Variants in TOP1MT observed in about 807,000 individuals in gnomAD.
The protein encoded by TOP1MT is DNA topoisomerase I, mitochondrial.
In TOP1MT, 80 loss-of-function variants were observed where a neutral mutation model predicts 73.9. That is an observed-to-expected ratio of 1.08 (90% CI 0.90 to 1.30). The LOEUF (loss-of-function observed/expected upper bound fraction) is 1.30, where lower values mean the gene tolerates loss of function less well. Among genes scored for constraint, TOP1MT ranks in the 50% most tolerant of loss-of-function variants. The pLI, the probability that TOP1MT is intolerant of heterozygous loss-of-function variation, is 0.00. For missense variants in TOP1MT, 815 were observed against 808.0 expected, an observed-to-expected ratio of 1.01 and a Z score of -0.10; for synonymous variants, 338 against 326.4, an observed-to-expected ratio of 1.04 and a Z score of -0.38.
In TOP1MT at chr8:143,309,343, G is replaced by A; in HGVS notation, c.*98C>T. On this transcript the variant is annotated 3_prime_UTR_variant, in exon 14 of 14. Coordinates refer to ENST00000329245, the MANE Select transcript of TOP1MT (RefSeq NM_052963.3). ...GGGGACTTTTTCTAGTGATGTACAA[G>A]CACTTGCACACATTTTATTGTACAA... The A allele has an allele frequency of 7.6e-7, 1 of 1,315,394 alleles. No homozygotes were observed. Among genetic ancestry groups the A allele is most frequent in the South Asian group, 1.3e-5 (1 of 76,778 alleles). 81.5% of individuals were successfully genotyped at this position (1,315,394 alleles called of 1,614,324 possible). A position where few individuals can be genotyped will look rare whatever the true frequency, so the allele number is the denominator to read the frequency against.
chr8:143,317,213 G>C (rs554527413), intron 10 of TOP1MT, among the ~76,000 whole-genome samples: 146 of 152,352 alleles, frequency 9.6e-4, no homozygotes, highest in African/African-American at 3.5e-3. Flanking sequence ...TCACGGAGCA[G>C]GGGCAGCGCC....
intron 6 of TOP1MT, 151 bp from the exon 7 acceptor site, chr8:143,324,293 C>G (rs114359345): frequency 1.5e-6 from 2 of 1,336,514 alleles, no homozygotes; most frequent in Admixed American, 2.1e-5. Context: ...TGGGTGATGC[C>G]GGCAGTGAGC....
intron 1 of TOP1MT, among the ~76,000 whole-genome samples, chr8:143,354,503 G>C (rs56126433): frequency 6.6e-6 from 1 of 151,050 alleles, no homozygotes; most frequent in Non-Finnish European, 1.5e-5. Context: ...ACCTGAGGTC[G>C]GGAGTTTGAG....
intron 8 of TOP1MT, among the ~76,000 whole-genome samples, chr8:143,319,105 T>G (rs1037735373): frequency 2.6e-5 from 4 of 152,032 alleles, no homozygotes; most frequent in African/African-American, 9.7e-5. Flanking sequence ...TCCTTTCGTG[T>G]GTTGGCTTCT....
upstream of TOP1MT, among the ~76,000 whole-genome samples, chr8:143,337,914 C>T (rs963221964): frequency 1.3e-5 from 2 of 152,168 alleles, no homozygotes; most frequent in African/African-American, 2.4e-5. Context: ...CTGTTTGGTT[C>T]TGTTCTGATC....
Position 143,310,325 on chromosome 8 carries a change from C to T in TOP1MT, c.1554-108G>A, listed in dbSNP as rs376736066. ...CTTCCCTCCCAGTGCAGCCCTGTCCCTGTCATTGTCATCAGTCATCCATCA... is the reference window on the plus strand; with the variant it reads ...CTTCCCTCCCAGTGCAGCCCTGTCCTTGTCATTGTCATCAGTCATCCATCA... On this transcript the variant is annotated intron_variant, in intron 12 of 13. Transcript: ENST00000329245. 4.9e-6 allele frequency: 4 copies of T among 808,210 alleles called. No homozygotes were observed. In the East Asian group the frequency reaches 8.7e-5, roughly 18 times the overall value. The allele number at this position is 808,210 out of a possible 1,614,324, so 50.1% of individuals were successfully genotyped here.
intron 4 of TOP1MT, 96 bp from the exon 5 acceptor site, chr8:143,325,629 G>A: frequency 1.7e-6 from 2 of 1,178,240 alleles, no homozygotes; most frequent in Non-Finnish European, 2.4e-6. Flanking sequence ...TGCTCTGTCT[G>A]GCTAACTCAG....
At chr8:143,324,377 C>G (rs1816646615) in intron 6 of TOP1MT, 108 bp downstream of exon 6, 1 of 1,541,718 alleles carries the variant, frequency 6.5e-7, no homozygotes, top group Non-Finnish European at 8.8e-7. Context: ...TGGCCGACTC[C>G]CAGCCCATCT....
At chr8:143,309,710 CA>C in intron 13 of TOP1MT, 167 bp from the exon 14 acceptor site, 1 of 1,518,864 alleles carries the variant, frequency 6.6e-7, no homozygotes, top group Non-Finnish European at 8.8e-7. Context: ...CGCATGCCGC[CA>C]CCCTGGAGCA....
chr8:143,321,616 CACACGCACGCCA>C (rs1816375703), intron 7 of TOP1MT, among the ~76,000 whole-genome samples: 1 of 117,424 alleles, frequency 8.5e-6, no homozygotes, highest in Non-Finnish European at 1.7e-5. Flanking sequence ...GCACGCACGC[CACACGCACGCCA>C]CACACAGGCA....
rs1206404359 is a variant in TOP1MT, at chr8:143,344,497, C to G, written c.-39+419G>C. 6.6e-6 allele frequency: 1 copy of G among 152,616 alleles called. No homozygotes were observed. The highest frequency in any genetic ancestry group is 1.5e-5 in the Non-Finnish European group (1 of 68,404). 9.5% of individuals were successfully genotyped at this position (152,616 alleles called of 1,614,324 possible). On this transcript the variant is annotated intron_variant, in intron 1 of 5. Transcript: ENST00000518007. The surrounding 1 kb of genome is among the most constrained non-coding windows in gnomAD (Gnocchi z 4.6). ...GTCCTCCAGGTCTCCGTGACTCCCC[C>G]AGCCCCATGCCCACCCAGGATACAA...
At chr8:143,351,006 G>A (rs1430288496) in intron 1 of TOP1MT, among the ~76,000 whole-genome samples, 1 of 152,148 alleles carries the variant, frequency 6.6e-6, no homozygotes, top group African/African-American at 2.4e-5. Flanking sequence ...TCGCTTCAGT[G>A]AAAACGCCCA....
At chr8:143,354,586 C>T (rs1030433734) in intron 1 of TOP1MT, among the ~76,000 whole-genome samples, 2 of 152,084 alleles carry the variant, frequency 1.3e-5, no homozygotes, top group Non-Finnish European at 2.9e-5. Context: ...GTGGTGCATG[C>T]CTGTAATTCC....
At chr8:143,312,653 A>C (rs1816044028) in intron 12 of TOP1MT, among the ~76,000 whole-genome samples, 1 of 152,228 alleles carries the variant, frequency 6.6e-6, no homozygotes, top group South Asian at 2.1e-4. Context: ...CAGTATCAGG[A>C]ACAAGGCAAG....
chr8:143,309,458 C>T lies in TOP1MT; in HGVS notation c.1789G>A (p.Glu597Lys). ...GCTCGTCGTTAGAATTCAAAGTCTTCTCCTGCCATGGCGAGAGCCCAGGCG... is the reference window on the plus strand; with the variant it reads ...GCTCGTCGTTAGAATTCAAAGTCTTTTCCTGCCATGGCGAGAGCCCAGGCG... ...RFAWALAMAG[E>K]DFEF Residue 597 changes from glutamate to lysine, a missense_variant, in exon 14 of 14, where the codon GAA becomes AAA. Physicochemically the swap from Glu to Lys is moderately conservative, Grantham distance 56. Transcript: ENST00000329245. 1.2e-6 allele frequency: 2 copies of T among 1,613,754 alleles called. No individual in the cohort carries two copies. Among genetic ancestry groups the T allele is most frequent in the South Asian group, 1.1e-5 (1 of 91,090 alleles).
intron 1 of TOP1MT, 51 bp downstream of exon 1, chr8:143,334,689 C>G: frequency 6.3e-7 from 1 of 1,594,518 alleles, no homozygotes; most frequent in Non-Finnish European, 8.5e-7. Flanking sequence ...TCTGGACCTA[C>G]CCAAGCCCGG....
At chr8:143,334,696 C>A (rs1398258935) in intron 1 of TOP1MT, 44 bp downstream of exon 1, 5 of 1,596,036 alleles carry the variant, frequency 3.1e-6, no homozygotes, top group Non-Finnish European at 4.3e-6. Flanking sequence ...CTACCCAAGC[C>A]CGGTGCTCAG....
rs981841562 is a variant in TOP1MT, at chr8:143,340,879, G to A, written c.29+2341C>T. Among the ~76,000 whole-genome samples the A allele has an allele frequency of 3.9e-5, 6 of 151,938 alleles. No homozygotes were observed. In the East Asian group the frequency reaches 7.7e-4, roughly 20 times the overall value. On this transcript the variant is annotated intron_variant, in intron 2 of 5. Coordinates refer to the TOP1MT transcript ENST00000518007. ...CCACCCACACTTCTTTTACATCCTC[G>A]TCCTCGTTCTGTGCTTGTCTCCTGG...
intron 3 of TOP1MT, among the ~76,000 whole-genome samples, chr8:143,326,770 A>G (rs1816718918): frequency 6.6e-6 from 1 of 152,224 alleles, no homozygotes; most frequent in Non-Finnish European, 1.5e-5. Flanking sequence ...TCGGGAGCTC[A>G]TCTGGTGAAC....
Sources: gnomAD v4.1 joint callset for allele counts (sites outside exome capture counted in the v4.1 genomes callset) on GRCh38, gnomAD v4.1.1 for gene constraint, Gnocchi (gnomAD v3.1) non-coding constraint, MANE v1.5 for transcripts, NCBI Gene and HGNC (gene_info 2026-07-23, HGNC 2026-07-21) for gene names.